The following LIMCH1 variants were observed in gnomAD, a reference collection of about 807,000 sequenced individuals.
LIMCH1 encodes LIM and calponin homology domains-containing protein 1.
LIMCH1 carries 113 observed loss-of-function variants against 176.5 expected under a neutral mutation model. That is an observed-to-expected ratio of 0.64 (90% CI 0.55 to 0.75). The LOEUF (loss-of-function observed/expected upper bound fraction) is 0.75, where lower values mean the gene tolerates loss of function less well. LIMCH1 is among the 30% of genes least tolerant of loss of function. The pLI is 0.00. For synonymous variants in LIMCH1, 619 were observed against 645.9 expected (o/e 0.96, Z 0.63); for missense variants, 1,674 against 1,814.9 (o/e 0.92, Z 1.41).
chr4:41,627,330 A>T (rs1248274043), intron 8 of LIMCH1, among the ~76,000 whole-genome samples: 1 of 152,150 alleles, frequency 6.6e-6, no homozygotes, highest in Non-Finnish European at 1.5e-5. Context: ...TGCTGGTGTC[A>T]TCAGTTGGCA....
At chr4:41,530,822 T>TAAAAAAAAAAAAAAAA (rs1345989713) in intron 3 of LIMCH1, among the ~76,000 whole-genome samples, 18 of 73,772 alleles carry the variant, frequency 2.4e-4, no homozygotes, top group African/African-American at 1.4e-3. Flanking sequence ...AAAAAAAATT[T>TAAAAAAAAAAAAAAAA]TTTTTTTTTT....
chr4:41,662,988 A>G lies in LIMCH1; in HGVS notation c.3291+4A>G. Reference sequence around the variant, plus strand: ...GGAGTTGGTGCTGTCACAAAAGGTGAAGTGCAGAGTGGAGGAAAGCGGTTA... The same window carrying G: ...GGAGTTGGTGCTGTCACAAAAGGTGGAGTGCAGAGTGGAGGAAAGCGGTTA... On this transcript the variant is annotated splice_donor_region_variant and intron_variant, in intron 20 of 31. Coordinates refer to ENST00000503057, the MANE Select transcript of LIMCH1 (RefSeq NM_001330672.2). 2 of 1,613,286 alleles carry G rather than the reference A, an allele frequency of 1.2e-6. No individual in the cohort carries two copies. Among genetic ancestry groups the G allele is most frequent in the Non-Finnish European group, 1.7e-6 (2 of 1,179,546 alleles).
chr4:41,458,935 C>G (rs1349664042), intron 1 of LIMCH1, among the ~76,000 whole-genome samples: 1 of 152,020 alleles, frequency 6.6e-6, no homozygotes, highest in Admixed American at 6.6e-5. Flanking sequence ...TTTGAGGCAT[C>G]CTGAGTCATT....
At chr4:41,409,567 A>G (rs2059294695) in intron 1 of LIMCH1, among the ~76,000 whole-genome samples, 1 of 152,236 alleles carries the variant, frequency 6.6e-6, no homozygotes, top group Non-Finnish European at 1.5e-5. Flanking sequence ...AAAAGCTGCC[A>G]TTTATACCTA....
chr4:41,456,918 C>T (rs796482236), intron 1 of LIMCH1, among the ~76,000 whole-genome samples: 19 of 152,214 alleles, frequency 1.2e-4, no homozygotes, highest in African/African-American at 3.9e-4. Flanking sequence ...CCCGGGCTCC[C>T]TCACAGTATG....
At position 41,541,913 on chromosome 4, in the gene LIMCH1, A is replaced by T. The variant is rs182466751; in HGVS notation, c.-241+3563A>T. On this transcript the variant is annotated intron_variant, in intron 1 of 31. Transcript: ENST00000503057. ...TTGGCCCTTTCCCTGCAAATACCATAAAGGACACAACTTGAAAAGTCGCTC... is the reference window on the plus strand; with the variant it reads ...TTGGCCCTTTCCCTGCAAATACCATTAAGGACACAACTTGAAAAGTCGCTC... Among the ~76,000 whole-genome samples, 725 of 152,310 alleles carry T rather than the reference A, an allele frequency of 4.8e-3. 7 individuals carry two copies. Among genetic ancestry groups the T allele is most frequent in the African/African-American group, 0.017 (694 of 41,562 alleles).
chr4:41,411,267 A>G (rs2059452194), intron 1 of LIMCH1, among the ~76,000 whole-genome samples: 2 of 152,220 alleles, frequency 1.3e-5, no homozygotes, highest in Admixed American at 6.5e-5. Flanking sequence ...AAAAACTTTT[A>G]TATATAACCT....
intron 1 of LIMCH1, among the ~76,000 whole-genome samples, chr4:41,411,926 C>T (rs1423633559): frequency 3.5e-5 from 4 of 114,310 alleles, no homozygotes; most frequent in Non-Finnish European, 6.5e-5. Flanking sequence ...CACTGCACTA[C>T]AGCCTAGGCG....
chr4:41,566,602 A>C (rs2082804548), intron 1 of LIMCH1, among the ~76,000 whole-genome samples: 2 of 152,168 alleles, frequency 1.3e-5, no homozygotes, highest in Admixed American at 6.5e-5. Context: ...AGTCACTAGG[A>C]GCATCAACAT....
At chr4:41,671,846 C>T (rs1278220244) in intron 22 of LIMCH1, among the ~76,000 whole-genome samples, 2 of 132,104 alleles carry the variant, frequency 1.5e-5, no homozygotes, top group African/African-American at 5.8e-5. Context: ...GATCGTGTCA[C>T]TGCACTCCAG....
intron 1 of LIMCH1, among the ~76,000 whole-genome samples, chr4:41,572,071 G>T (rs2083645736): frequency 6.6e-6 from 1 of 152,148 alleles, no homozygotes; most frequent in Non-Finnish European, 1.5e-5. Flanking sequence ...TTGTTGATAG[G>T]GGTGGGAGCA....
chr4:41,604,309 A>G (rs1241232005), intron 3 of LIMCH1: 2 of 626,142 alleles, frequency 3.2e-6, no homozygotes, highest in Non-Finnish European at 4.0e-6. Flanking sequence ...GTTGACTGCC[A>G]TGGGCCTATA....
intron 1 of LIMCH1, among the ~76,000 whole-genome samples, chr4:41,538,605 G>A (rs527663548): frequency 1.3e-5 from 2 of 149,304 alleles, no homozygotes; most frequent in East Asian, 2.0e-4. Flanking sequence ...TTATTTTCCG[G>A]TATGTGGTAC....
At position 41,464,750 on chromosome 4, in the gene LIMCH1, T is replaced by G. The variant is rs559045686; in HGVS notation, c.97-29786T>G. 6.6e-5 allele frequency among the ~76,000 whole-genome samples: 10 copies of G among 152,336 alleles called. No homozygotes were observed. The South Asian group carries it at 2.1e-3, about 32-fold the overall frequency. On this transcript the variant is annotated intron_variant, in intron 1 of 26. Coordinates refer to the LIMCH1 transcript ENST00000313860. ...TGTCTGTTTTTTTCTGTCTGAAATT[T>G]AAAACAATTGCAGTTTTACATTTGT...
intron 3 of LIMCH1, among the ~76,000 whole-genome samples, chr4:41,526,987 ATG>A (rs894383520): frequency 6.6e-6 from 1 of 152,204 alleles, no homozygotes; most frequent in African/African-American, 2.4e-5. Context: ...TTCTTGTGAT[ATG>A]TGTTATTCAT....
chr4:41,422,903 G>C (rs1373796671), intron 1 of LIMCH1, among the ~76,000 whole-genome samples: 7 of 152,138 alleles, frequency 4.6e-5, no homozygotes, highest in Non-Finnish European at 8.8e-5. Context: ...GATTGCAGGT[G>C]TGTGCCACCA....
chr4:41,676,501 T>G (rs780282476), intron 23 of LIMCH1, 39 bp downstream of exon 23: 1 of 1,441,978 alleles, frequency 6.9e-7, no homozygotes, highest in East Asian at 2.3e-5. Flanking sequence ...TTTTCCTTTT[T>G]TGTCCTCTTG....
intron 1 of LIMCH1, among the ~76,000 whole-genome samples, chr4:41,432,244 G>A (rs949684712): frequency 2.0e-5 from 3 of 152,210 alleles, no homozygotes; most frequent in South Asian, 2.1e-4. Context: ...ATTAATTGTG[G>A]CAGCTAAAAA....
In LIMCH1 at chr4:41,620,813, G is replaced by A. The variant is rs765643112; in HGVS notation, c.725+123G>A. 16 of 1,124,546 alleles carry A rather than the reference G, an allele frequency of 1.4e-5. No homozygotes were observed. The East Asian group carries it at 3.6e-4, about 25-fold the overall frequency. 69.7% of individuals were successfully genotyped at this position (1,124,546 alleles called of 1,614,324 possible). A position where few individuals can be genotyped will look rare whatever the true frequency, so the allele number is the denominator to read the frequency against. The stretch of plus-strand genomic sequence containing the variant: ...TTCCCGCTTTTCCTATTGCATCACT[G>A]TTCCCTGCTCTGAGCACGTAGATGA... On this transcript the variant is annotated intron_variant, in intron 7 of 31. Coordinates refer to ENST00000503057, the MANE Select transcript of LIMCH1 (RefSeq NM_001330672.2).
Sources: allele counts gnomAD v4.1 joint callset (sites outside exome capture counted in the v4.1 genomes callset), GRCh38; gene constraint gnomAD v4.1.1; transcripts MANE v1.5; gene names NCBI Gene and HGNC (gene_info 2026-07-23, HGNC 2026-07-21).